The following HIBCH variants were observed in gnomAD, a reference collection of about 807,000 sequenced individuals.
HIBCH encodes 3-hydroxyisobutyryl-CoA hydrolase.
HIBCH carries 50 observed loss-of-function variants against 58.2 expected under a neutral mutation model. The observed-to-expected ratio is 0.86, with a 90% CI of 0.68 to 1.09. The LOEUF is 1.09. Ranked by LOEUF, HIBCH falls within the 50% of genes least tolerant of loss-of-function variation. The pLI is 0.00. For missense variants in HIBCH, 450 were observed against 449.7 expected, an observed-to-expected ratio of 1.00 and a Z score of -0.01; for synonymous variants, 151 against 146.9, an observed-to-expected ratio of 1.03 and a Z score of -0.20.
intron 1 of HIBCH, among the ~76,000 whole-genome samples, chr2:190,194,769 T>C (rs991683662): frequency 6.6e-6 from 1 of 152,194 alleles, no homozygotes; most frequent in Non-Finnish European, 1.5e-5. Context: ...GAATGTCATA[T>C]AGTTGTAATC....
intron 6 of HIBCH, among the ~76,000 whole-genome samples, chr2:190,273,730 T>C (rs771553080): frequency 1.3e-5 from 2 of 151,974 alleles, no homozygotes; most frequent in Non-Finnish European, 2.9e-5. Flanking sequence ...TTAAATTACA[T>C]AGGTGGGTGG....
rs1392330908 is a variant in HIBCH, at chr2:190,206,878, C to A, written c.1046-1646G>T. Among the ~76,000 whole-genome samples, 1 of 152,122 alleles carries A rather than the reference C, an allele frequency of 6.6e-6. No homozygotes were observed. Among genetic ancestry groups the A allele is most frequent in the East Asian group, 1.9e-4 (1 of 5,202 alleles). ...CGGTGGCTCAGGCCTATAATCCCAG[C>A]ACTTTGGGAGGCTGAGGTAGGCGGA... On this transcript the variant is annotated intron_variant, in intron 13 of 13. Coordinates refer to ENST00000359678, the MANE Select transcript of HIBCH (RefSeq NM_014362.4). The surrounding 1 kb of genome is among the most constrained non-coding windows in gnomAD (Gnocchi z 5.1).
At chr2:190,309,818 C>T (rs775602813) in intron 2 of HIBCH, among the ~76,000 whole-genome samples, 11 of 152,080 alleles carry the variant, frequency 7.2e-5, no homozygotes, top group Non-Finnish European at 1.6e-4. Context: ...CTCGGCCTCC[C>T]AAAGACTATG....
chr2:190,245,206 T>C, intron 10 of HIBCH: 1 of 448,618 alleles, frequency 2.2e-6, no homozygotes, highest in Non-Finnish European at 4.1e-6. Context: ...ATCTGTTATA[T>C]TTCCATGTAA....
intron 6 of HIBCH, among the ~76,000 whole-genome samples, chr2:190,262,511 T>C (rs540888385): frequency 1.3e-5 from 2 of 152,312 alleles, no homozygotes; most frequent in African/African-American, 4.8e-5. Flanking sequence ...CCCCAGTATA[T>C]ATTCACTGCA....
intron 11 of HIBCH, among the ~76,000 whole-genome samples, chr2:190,225,134 A>C (rs1184970256): frequency 2.0e-5 from 3 of 152,224 alleles, no homozygotes; most frequent in Admixed American, 6.5e-5. Context: ...GTAGAGGGAA[A>C]TTTATAGAAC....
At chr2:190,199,458 T>A (rs1022056489), downstream of HIBCH, among the ~76,000 whole-genome samples, 3 of 149,346 alleles carry the variant, frequency 2.0e-5, no homozygotes, top group Admixed American at 6.6e-5. Flanking sequence ...CTAGCAAAAA[T>A]TGAATTGTTT....
At chr2:190,273,413 A>G (rs1687458202) in intron 6 of HIBCH, among the ~76,000 whole-genome samples, 1 of 152,134 alleles carries the variant, frequency 6.6e-6, no homozygotes, top group African/African-American at 2.4e-5. Context: ...AAAAATAAAA[A>G]CAAATAAATA....
At position 190,304,656 on chromosome 2, in the gene HIBCH, T is replaced by C. The variant is rs769180110; in HGVS notation, c.78+6098A>G. 2.0e-5 allele frequency among the ~76,000 whole-genome samples: 3 copies of C among 152,170 alleles called. No homozygotes were observed. The highest frequency in any genetic ancestry group is 4.8e-5 in the African/African-American group (2 of 41,446). ...GATAAGTGTACCATAGTAAGAATAG[T>C]AGGCAGTTTGCTAGGGCTGCCATAA... On this transcript the variant is annotated intron_variant, in intron 2 of 13. Transcript: ENST00000359678. This position sits in a 1 kb window ranked among gnomAD's most constrained non-coding sequence, Gnocchi z 4.1.
intron 1 of HIBCH, among the ~76,000 whole-genome samples, chr2:190,314,309 GTGTATATATATGTATATA>G (rs1215882999): frequency 4.9e-4 from 5 of 10,204 alleles, no homozygotes; most frequent in Non-Finnish European, 1.1e-3. Flanking sequence ...ACATATATAT[GTGTATATATATGTATATA>G]TGTATATATA....
In HIBCH at chr2:190,236,686, G is replaced by A. The variant is rs759577626; in HGVS notation, c.891+8201C>T. Among the ~76,000 whole-genome samples, 5 of 151,970 alleles carry A rather than the reference G, an allele frequency of 3.3e-5. No homozygotes were observed. Among genetic ancestry groups the A allele is most frequent in the Non-Finnish European group, 7.4e-5 (5 of 67,980 alleles). ...AAACATGGCACTAATATTCTTTTTTGTATCTACAATAAAAGGCTTAGAGCC... is the reference window on the plus strand; with the variant it reads ...AAACATGGCACTAATATTCTTTTTTATATCTACAATAAAAGGCTTAGAGCC... On this transcript the variant is annotated intron_variant, in intron 11 of 13. Coordinates refer to ENST00000359678, the MANE Select transcript of HIBCH (RefSeq NM_014362.4). The surrounding 1 kb of genome is among the most constrained non-coding windows in gnomAD (Gnocchi z 4.1).
intron 11 of HIBCH, 123 bp from the exon 12 acceptor site, chr2:190,213,198 T>C (rs1690555120): frequency 2.4e-6 from 2 of 843,176 alleles, no homozygotes; most frequent in Non-Finnish European, 3.8e-6. Flanking sequence ...GATTATACCC[T>C]AGCTTAATCC....
At chr2:190,233,714 T>G (rs190754023) in intron 11 of HIBCH, among the ~76,000 whole-genome samples, 52 of 152,292 alleles carry the variant, frequency 3.4e-4, no homozygotes, top group African/African-American at 1.2e-3. Context: ...TCATAAAGAT[T>G]TAACAGGAAC....
chr2:190,217,361 G>A lies in HIBCH; in HGVS notation c.892-4286C>T, dbSNP rs1261250704. 1.3e-5 allele frequency among the ~76,000 whole-genome samples: 2 copies of A among 152,216 alleles called. No homozygotes were observed. The highest frequency in any genetic ancestry group is 2.9e-5 in the Non-Finnish European group (2 of 68,040). ...CAGCTGGGTGTGGTGACACATGCCT[G>A]TAATCCCAGCTACTTGGGAGGCTGA... On this transcript the variant is annotated intron_variant, in intron 11 of 13. Coordinates refer to ENST00000359678, the MANE Select transcript of HIBCH (RefSeq NM_014362.4). This position sits in a 1 kb window ranked among gnomAD's most constrained non-coding sequence, Gnocchi z 4.6.
At chr2:190,266,019 T>C (rs1415883993) in intron 6 of HIBCH, among the ~76,000 whole-genome samples, 2 of 152,204 alleles carry the variant, frequency 1.3e-5, no homozygotes, top group South Asian at 2.1e-4. Flanking sequence ...GATCATTTCA[T>C]TGTGATGTCA....
At position 190,270,775 on chromosome 2, in the gene HIBCH, C is replaced by T. The variant is rs570613043; in HGVS notation, c.439-9541G>A. Among the ~76,000 whole-genome samples the T allele has an allele frequency of 7.2e-5, 11 of 152,228 alleles. 1 individual carries two copies. The South Asian group carries it at 2.3e-3, about 32-fold the overall frequency. The stretch of plus-strand genomic sequence containing the variant: ...GACCACATACATTAGATTAACAGAA[C>T]AGCAGGCTGCAAAGTAAAAACAAAG... On this transcript the variant is annotated intron_variant, in intron 6 of 13. Coordinates refer to ENST00000359678, the MANE Select transcript of HIBCH (RefSeq NM_014362.4).
intron 11 of HIBCH, among the ~76,000 whole-genome samples, chr2:190,232,953 A>C (rs1011363810): frequency 4.8e-5 from 7 of 144,824 alleles, no homozygotes; most frequent in Non-Finnish European, 9.1e-5. Flanking sequence ...GCAAGACTCT[A>C]TCTCAAAAAA....
intron 10 of HIBCH, among the ~76,000 whole-genome samples, chr2:190,245,664 G>A (rs1340147110): frequency 6.6e-6 from 1 of 152,052 alleles, no homozygotes; most frequent in Non-Finnish European, 1.5e-5. Context: ...CACCCAGAAA[G>A]AGAGGGAAAG....
intron 7 of HIBCH, among the ~76,000 whole-genome samples, chr2:190,255,698 A>G (rs1422278554): frequency 2.0e-5 from 3 of 152,192 alleles, no homozygotes; most frequent in Non-Finnish European, 4.4e-5. Flanking sequence ...TCATTTGAGA[A>G]GATGAAGCTG....
Sources: allele counts gnomAD v4.1 joint callset (sites outside exome capture counted in the v4.1 genomes callset), GRCh38; gene constraint gnomAD v4.1.1; non-coding constraint Gnocchi (gnomAD v3.1); transcripts MANE v1.5; gene names NCBI Gene and HGNC (gene_info 2026-07-23, HGNC 2026-07-21).